TYR: variants seen among roughly 807,000 people sequenced by gnomAD.
The protein encoded by TYR is tyrosinase, also known as LB24-AB.
In TYR, 58 loss-of-function variants were observed where a neutral mutation model predicts 51.5. The ratio of observed to expected loss-of-function variants is 1.13; its 90% confidence interval spans 0.91 to 1.40. TYR has a LOEUF of 1.40. TYR is among the 40% of genes most tolerant of loss of function. The pLI is 0.00. For missense variants in TYR, 732 were observed against 647.4 expected, an observed-to-expected ratio of 1.13 and a Z score of -1.42; for synonymous variants, 263 against 235.2, an observed-to-expected ratio of 1.12 and a Z score of -1.08.
At chr11:89,281,492 A>G (rs1039388844) in intron 3 of TYR, among the ~76,000 whole-genome samples, 26 of 151,656 alleles carry the variant, frequency 1.7e-4, no homozygotes, top group African/African-American at 5.6e-4. Context: ...ATTTCCCACT[A>G]TCTTCACTAG....
chr11:89,256,081 T>C (rs1385874588), intron 3 of TYR, among the ~76,000 whole-genome samples: 2 of 151,740 alleles, frequency 1.3e-5, no homozygotes, highest in African/African-American at 4.8e-5. Flanking sequence ...GGGTGAAATA[T>C]GAGTAATAAA....
intron 3 of TYR, among the ~76,000 whole-genome samples, chr11:89,278,819 G>T (rs1944687601): frequency 1.3e-5 from 2 of 151,592 alleles, no homozygotes; most frequent in Admixed American, 6.6e-5. Flanking sequence ...TCCCACCCAG[G>T]ATACTATATT....
Position 89,191,366 on chromosome 11 carries a change from ATC to A in TYR, c.986_987del (p.Ser329TrpfsTer5). 4 of 1,613,696 alleles carry A rather than the reference ATC, an allele frequency of 2.5e-6. No individual in the cohort carries two copies. Among genetic ancestry groups the A allele is most frequent in the Non-Finnish European group, 3.4e-6 (4 of 1,179,758 alleles). On this transcript the variant is annotated frameshift_variant, in exon 2 of 5. Coordinates refer to ENST00000263321, the MANE Select transcript of TYR (RefSeq NM_000372.5). LOFTEE classifies it high-confidence loss of function. The part of the protein sequence containing the change: ...EFCLSLTQYE[S>X]GSMDKAANFS... ...TTTGCCTGAGTTTGACCCAATATGA[ATC>A]TGGTTCCATGGATAAAGCTGCCAAT...
chr11:89,287,587 G>A (rs181095858), intron 4 of TYR, among the ~76,000 whole-genome samples: 1 of 151,784 alleles, frequency 6.6e-6, no homozygotes, highest in African/African-American at 2.4e-5. Flanking sequence ...AACTCCAGGG[G>A]TCAATGAAGT....
At chr11:89,179,791 C>G (rs1229526310) in intron 1 of TYR, among the ~76,000 whole-genome samples, 1 of 152,112 alleles carries the variant, frequency 6.6e-6, no homozygotes, top group East Asian at 1.9e-4. Context: ...ATTTTTCATT[C>G]TGAATTAGGG....
intron 3 of TYR, among the ~76,000 whole-genome samples, chr11:89,250,430 CT>C (rs1253001020): frequency 1.3e-5 from 2 of 151,906 alleles, no homozygotes; most frequent in African/African-American, 4.8e-5. Flanking sequence ...TGTTTTGATT[CT>C]GTCATTATAT....
intron 3 of TYR, among the ~76,000 whole-genome samples, chr11:89,239,246 A>G (rs1944160847): frequency 6.6e-6 from 1 of 151,592 alleles, no homozygotes; most frequent in Non-Finnish European, 1.5e-5. Context: ...TTACTAATTC[A>G]CTCTCTGTAC....
chr11:89,225,538 T>C (rs1943966108), intron 2 of TYR, among the ~76,000 whole-genome samples: 1 of 151,826 alleles, frequency 6.6e-6, no homozygotes, highest in Admixed American at 6.6e-5. Flanking sequence ...TTAGATATAA[T>C]TGTGTAGAAA....
intron 3 of TYR, among the ~76,000 whole-genome samples, chr11:89,264,854 ACTCTC>A (rs1441154276): frequency 9.2e-5 from 14 of 151,552 alleles, no homozygotes; most frequent in Admixed American, 9.2e-4. Flanking sequence ...ATATCTAAGA[ACTCTC>A]CTCTCTCCTT....
At chr11:89,282,877 C>T (rs1392510580) in intron 3 of TYR, among the ~76,000 whole-genome samples, 1 of 151,660 alleles carries the variant, frequency 6.6e-6, no homozygotes, top group Non-Finnish European at 1.5e-5. Context: ...AGTCATAATA[C>T]TTAGGAGGGG....
At chr11:89,262,428 C>G (rs61176892) in intron 3 of TYR, among the ~76,000 whole-genome samples, 1,737 of 151,230 alleles carry the variant, frequency 0.011, 35 homozygotes, top group African/African-American at 0.04. Context: ...AACCACCAGC[C>G]TTAGAAACAA....
intron 3 of TYR, among the ~76,000 whole-genome samples, chr11:89,277,094 T>G (rs1228094911): frequency 6.6e-6 from 1 of 151,830 alleles, no homozygotes; most frequent in Non-Finnish European, 1.5e-5. Context: ...AAATAGATAG[T>G]ACCATCCCTT....
Position 89,225,438 on chromosome 11 carries a change from T to G in TYR, c.1037-2385T>G, listed in dbSNP as rs959008123. 4.6e-5 allele frequency among the ~76,000 whole-genome samples: 7 copies of G among 151,958 alleles called. No homozygotes were observed. In the East Asian group the frequency reaches 1.2e-3, roughly 25 times the overall value. On this transcript the variant is annotated intron_variant, in intron 2 of 4. Transcript: ENST00000263321. ...ATAGATCTCCTGAACTTATTCCTCC[T>G]ATCTAACAAAAAATTTGTATCCTTA...
chr11:89,285,925 A>G (rs1944780537), intron 4 of TYR, among the ~76,000 whole-genome samples: 1 of 151,888 alleles, frequency 6.6e-6, no homozygotes, highest in Admixed American at 6.6e-5. Flanking sequence ...TTCATTGATA[A>G]TGACACATAA....
At chr11:89,244,329 C>G (rs10830246) in intron 3 of TYR, among the ~76,000 whole-genome samples, 2 of 151,034 alleles carry the variant, frequency 1.3e-5, no homozygotes, top group African/African-American at 4.9e-5. Context: ...AGCTCCAGGT[C>G]CTGCATTTTT....
intron 3 of TYR, among the ~76,000 whole-genome samples, chr11:89,274,685 G>C (rs1056211671): frequency 4.0e-5 from 6 of 151,864 alleles, no homozygotes; most frequent in African/African-American, 1.4e-4. Flanking sequence ...CTTATGAGGA[G>C]GTTTTGTATT....
intron 3 of TYR, among the ~76,000 whole-genome samples, chr11:89,269,565 T>A (rs1944565888): frequency 6.6e-6 from 1 of 151,996 alleles, no homozygotes; most frequent in African/African-American, 2.4e-5. Flanking sequence ...TCTCCAAGTT[T>A]CATCATTAGT....
At chr11:89,242,763 T>C (rs1944216081) in intron 3 of TYR, among the ~76,000 whole-genome samples, 1 of 152,188 alleles carries the variant, frequency 6.6e-6, no homozygotes, top group South Asian at 2.1e-4. Flanking sequence ...TTTTGAGACT[T>C]ATTTTCTTCA....
chr11:89,244,347 T>C (rs10830247), intron 3 of TYR, among the ~76,000 whole-genome samples: 68,153 of 150,550 alleles, frequency 0.45, 16,592 homozygotes, highest in African/African-American at 0.64. Context: ...TTTCCTGACA[T>C]ACTCTGTATT....
Sources: allele counts gnomAD v4.1 joint callset (sites outside exome capture counted in the v4.1 genomes callset), GRCh38; gene constraint gnomAD v4.1.1; transcripts MANE v1.5; gene names NCBI Gene and HGNC (gene_info 2026-07-23, HGNC 2026-07-21).